The following ARHGAP24 variants were observed in gnomAD, a reference collection of about 807,000 sequenced individuals.
ARHGAP24 encodes the protein rho GTPase-activating protein 24.
In ARHGAP24, 50 loss-of-function variants were observed where a neutral mutation model predicts 76.4. The observed-to-expected ratio is 0.65, with a 90% CI of 0.52 to 0.83. The LOEUF (loss-of-function observed/expected upper bound fraction) is 0.83, where lower values mean the gene tolerates loss of function less well. Among genes scored for constraint, ARHGAP24 ranks in the 40% least tolerant of loss-of-function variants. The pLI is 0.00. For synonymous variants in ARHGAP24, 345 were observed against 323.3 expected (o/e 1.07, Z -0.72); for missense variants, 930 against 914.2 (o/e 1.02, Z -0.22).
chr4:85,929,916 G>A (rs997349389), intron 4 of ARHGAP24, among the ~76,000 whole-genome samples: 2 of 152,208 alleles, frequency 1.3e-5, no homozygotes, highest in African/African-American at 4.8e-5. Flanking sequence ...GTGATTTCTG[G>A]AGGGGCTGAG....
chr4:85,570,040 T>A (rs1430709321), intron 1 of ARHGAP24, among the ~76,000 whole-genome samples: 1 of 152,248 alleles, frequency 6.6e-6, no homozygotes, highest in Non-Finnish European at 1.5e-5. Context: ...TACTTAGGTT[T>A]TTTTTAGAAA....
chr4:85,857,114 G>T (rs1409743336), intron 3 of ARHGAP24, among the ~76,000 whole-genome samples: 1 of 152,028 alleles, frequency 6.6e-6, no homozygotes, highest in East Asian at 1.9e-4. Context: ...TATTCAACAA[G>T]AATTTATTAA....
chr4:85,714,129 G>A (rs896822843), intron 2 of ARHGAP24, among the ~76,000 whole-genome samples: 4 of 152,094 alleles, frequency 2.6e-5, no homozygotes, highest in Non-Finnish European at 2.9e-5. Context: ...AGCTAGATTG[G>A]TGATGGCTAT....
chr4:85,578,378 G>C (rs905408407), intron 2 of ARHGAP24, among the ~76,000 whole-genome samples: 1 of 152,194 alleles, frequency 6.6e-6, no homozygotes, highest in Admixed American at 6.5e-5. Context: ...AGATGGAAAA[G>C]CACAGAGGAT....
At chr4:85,696,602 TTAAGA>T (rs1020042270) in intron 2 of ARHGAP24, among the ~76,000 whole-genome samples, 2 of 152,250 alleles carry the variant, frequency 1.3e-5, no homozygotes, top group South Asian at 2.1e-4. Flanking sequence ...TTGTATTATT[TTAAGA>T]TAAGTTGAAT....
chr4:85,991,947 T>G (rs955473015), intron 8 of ARHGAP24: 3 of 388,964 alleles, frequency 7.7e-6, no homozygotes, highest in African/African-American at 6.2e-5. Context: ...TAGGTTTTTT[T>G]TAAAGAAAAA....
chr4:85,598,958 AAT>A lies in ARHGAP24; in HGVS notation c.180+28240_180+28241del, dbSNP rs1287687323. Among the ~76,000 whole-genome samples, 7 of 151,786 alleles carry A rather than the reference AAT, an allele frequency of 4.6e-5. No individual in the cohort carries two copies. In the East Asian group the frequency reaches 5.8e-4, roughly 13 times the overall value. ...GGAATATATCTCAAATATTAATTTTAATATGTTATTTATATAAAACTTAATAA... is the reference window on the plus strand; with the variant it reads ...GGAATATATCTCAAATATTAATTTTAATGTTATTTATATAAAACTTAATAA... On this transcript the variant is annotated intron_variant, in intron 2 of 9. Transcript: ENST00000395184.
Position 85,485,810 on chromosome 4 carries a change from G to A in ARHGAP24, c.-21+10251G>A, listed in dbSNP as rs189618709. On this transcript the variant is annotated intron_variant, in intron 1 of 9. Transcript: ENST00000395184. ...AGTGCAGTGGTGATCTTGGCTCACTGCAACCTCTGCCTCCCAGGTTGAAAT... is the reference window on the plus strand; with the variant it reads ...AGTGCAGTGGTGATCTTGGCTCACTACAACCTCTGCCTCCCAGGTTGAAAT... Among the ~76,000 whole-genome samples the A allele has an allele frequency of 7.3e-3, 1,100 of 150,264 alleles. 14 individuals carry two copies. Among genetic ancestry groups the A allele is most frequent in the African/African-American group, 0.026 (1,041 of 40,698 alleles).
intron 4 of ARHGAP24, among the ~76,000 whole-genome samples, chr4:85,940,123 C>T (rs1736874424): frequency 6.6e-6 from 1 of 152,046 alleles, no homozygotes; most frequent in African/African-American, 2.4e-5. Context: ...TATTAAAACA[C>T]TAGAATATCT....
chr4:85,899,677 G>C (rs970859823), intron 3 of ARHGAP24, among the ~76,000 whole-genome samples: 7 of 152,164 alleles, frequency 4.6e-5, no homozygotes, highest in Non-Finnish European at 8.8e-5. Flanking sequence ...TGTAAGTGTA[G>C]CTTCTTTCCA....
rs1391776025 is a variant in ARHGAP24 at position 85,655,784 on chromosome 4, T to TAGAG, written c.181-66100_181-66099insGAGA. On this transcript the variant is annotated intron_variant, in intron 2 of 9. Transcript: ENST00000395184. ...GAGACTCCATATATATATATATATATATATATATAGAGAGAGAGAGAGAGA... is the reference window on the plus strand; with the variant it reads ...GAGACTCCATATATATATATATATATAGAGATATATATAGAGAGAGAGAGAGAGA... Among the ~76,000 whole-genome samples the TAGAG allele has an allele frequency of 1.6e-3, 46 of 29,590 alleles. 1 individual carries two copies. The highest frequency in any genetic ancestry group is 6.7e-3 in the African/African-American group (40 of 5,946). 19.4% of individuals were successfully genotyped at this position (29,590 alleles called of 152,430 possible). A position where few individuals can be genotyped will look rare whatever the true frequency, so the allele number is the denominator to read the frequency against.
intron 2 of ARHGAP24, among the ~76,000 whole-genome samples, chr4:85,662,948 G>A (rs909988609): frequency 1.7e-4 from 26 of 150,498 alleles, no homozygotes; most frequent in Non-Finnish European, 2.9e-4. Flanking sequence ...AAGTCAGGTA[G>A]CGTGATGCCT....
At chr4:85,815,828 G>T (rs1476719390) in intron 3 of ARHGAP24, among the ~76,000 whole-genome samples, 1 of 152,162 alleles carries the variant, frequency 6.6e-6, no homozygotes, top group East Asian at 1.9e-4. Flanking sequence ...TCCCGCTGCT[G>T]ATAAAGACAT....
chr4:85,922,970 G>T (rs1366170470), intron 3 of ARHGAP24, among the ~76,000 whole-genome samples: 1 of 152,164 alleles, frequency 6.6e-6, no homozygotes, highest in East Asian at 1.9e-4. Flanking sequence ...CACTGCGGGG[G>T]TTTCCTCAAG....
intron 5 of ARHGAP24, among the ~76,000 whole-genome samples, chr4:85,960,411 C>G (rs1738176570): frequency 6.6e-6 from 1 of 152,080 alleles, no homozygotes; most frequent in African/African-American, 2.4e-5. Flanking sequence ...TTTACATACC[C>G]AAGAGGACAT....
At chr4:85,630,784 T>G (rs1211504546) in intron 2 of ARHGAP24, among the ~76,000 whole-genome samples, 2 of 152,008 alleles carry the variant, frequency 1.3e-5, no homozygotes, top group Non-Finnish European at 2.9e-5. Context: ...ATTTGCTTTT[T>G]CTATTATAAA....
At chr4:85,786,661 C>CAG (rs1206124305) in intron 3 of ARHGAP24, among the ~76,000 whole-genome samples, 2 of 152,042 alleles carry the variant, frequency 1.3e-5, no homozygotes, top group Non-Finnish European at 2.9e-5. Flanking sequence ...CACACACACA[C>CAG]AGAGATATTG....
At chr4:85,889,325 T>TA (rs1468490710) in intron 3 of ARHGAP24, among the ~76,000 whole-genome samples, 6 of 152,224 alleles carry the variant, frequency 3.9e-5, no homozygotes, top group African/African-American at 1.2e-4. Flanking sequence ...CCTTATTTAC[T>TA]ACATGTGTCA....
chr4:85,698,828 T>C (rs1256231730), intron 2 of ARHGAP24, among the ~76,000 whole-genome samples: 1 of 152,148 alleles, frequency 6.6e-6, no homozygotes, highest in Non-Finnish European at 1.5e-5. Context: ...GTAACCCCAA[T>C]GCTGGAGGTG....
Sources: gnomAD v4.1 joint callset for allele counts (sites outside exome capture counted in the v4.1 genomes callset) on GRCh38, gnomAD v4.1.1 for gene constraint, MANE v1.5 for transcripts, NCBI Gene and HGNC (gene_info 2026-07-23, HGNC 2026-07-21) for gene names.